The following PDZD2 variants were observed in gnomAD, a reference collection of about 807,000 sequenced individuals.
The protein encoded by PDZD2 is PDZ domain containing 2, also known as PDZ domain-containing protein 2.
A neutral mutation model predicts 220.7 loss-of-function variants in PDZD2; 90 were observed. That is an observed-to-expected ratio of 0.41 (90% confidence interval 0.34 to 0.49). The LOEUF (loss-of-function observed/expected upper bound fraction) is 0.49, where lower values mean the gene tolerates loss of function less well. Ranked by LOEUF, PDZD2 falls within the 20% of genes least tolerant of loss-of-function variation. The pLI, the probability that PDZD2 is intolerant of heterozygous loss-of-function variation, is 0.28. For missense variants in PDZD2, 3,174 were observed against 3,608.5 expected (o/e 0.88, Z 3.08); for synonymous variants, 1,375 against 1,450.5 (o/e 0.95, Z 1.18).
At chr5:31,738,260 T>C (rs533743625) in intron 1 of PDZD2, 16 of 152,264 alleles carry the variant, frequency 1.1e-4, no homozygotes, top group African/African-American at 3.9e-4. Context: ...TGAGTGGAAA[T>C]CTTGATGATC....
At position 31,995,580 on chromosome 5, in the gene PDZD2, A is replaced by G. The variant is rs1751562688; in HGVS notation, c.983A>G (p.Glu328Gly). Residue 328 changes from glutamate (E) to glycine (G), a missense_variant, in exon 4 of 25, where the codon GAA (glutamate) becomes GGA (glycine). By Grantham distance (98) the Glu-to-Gly change is moderately conservative. Transcript: ENST00000438447. The stretch of plus-strand genomic sequence containing the variant: ...GTGCTCACTTTTTCTTCCAAGGAGG[A>G]AGTTGGCCGAATATGGAAGATGGAG... Reference protein sequence around the residue: ...FQSSDCLAREEVGRIWKMELL... With the variant: ...FQSSDCLAREGVGRIWKMELL... 1.2e-6 allele frequency: 2 copies of G among 1,613,808 alleles called. No individual in the cohort carries two copies. The highest frequency in any genetic ancestry group is 2.7e-5 in the African/African-American group (2 of 74,820).
Position 32,058,094 on chromosome 5 carries a change from C to T in PDZD2, c.2191C>T (p.Leu731Phe). 1 of 1,541,456 alleles carries T rather than the reference C, an allele frequency of 6.5e-7. No homozygotes were observed. Among genetic ancestry groups the T allele is most frequent in the Non-Finnish European group, 9.0e-7 (1 of 1,113,602 alleles). The change falls in exon 12 of 25, where the codon CTC becomes TTC. Residue 731 changes from leucine to phenylalanine, a missense_variant. This residue lies in a region of PDZD2 where 1,861 missense variants were observed against 2,001.0 expected (regional missense o/e 0.93). Transcript: ENST00000438447. ...GGACAGGATCGTCATGGAAGTAACACTCAACAAAGGTGATAGCAGCTATTC... is the reference window on the plus strand; with the variant it reads ...GGACAGGATCGTCATGGAAGTAACATTCAACAAAGGTGATAGCAGCTATTC... ...PKDRIVMEVT[L>F]NKEPRVGLGI...
intron 2 of PDZD2, among the ~76,000 whole-genome samples, chr5:31,807,058 T>C (rs1754773916): frequency 6.6e-6 from 1 of 151,802 alleles, no homozygotes; most frequent in South Asian, 2.1e-4. Context: ...CCTCAGCCTC[T>C]TGAGTAGCTG....
rs564409335 is a variant in PDZD2, at chr5:32,006,103, C to T, written c.1255-4227C>T. 3.2e-3 allele frequency among the ~76,000 whole-genome samples: 474 copies of T among 149,866 alleles called. 2 individuals carry two copies. Among genetic ancestry groups the T allele is most frequent in the Admixed American group, 5.3e-3 (79 of 14,962 alleles). Reference sequence around the variant, plus strand: ...CAGAGGTTGCAGTGAGCTGAGATCGCGCCACTGCACTCCAGCCTGGGTGAC... The same window carrying T: ...CAGAGGTTGCAGTGAGCTGAGATCGTGCCACTGCACTCCAGCCTGGGTGAC... On this transcript the variant is annotated intron_variant, in intron 5 of 24. Transcript: ENST00000438447.
At chr5:31,892,049 C>T (rs1445394029) in intron 2 of PDZD2, among the ~76,000 whole-genome samples, 1 of 150,794 alleles carries the variant, frequency 6.6e-6, no homozygotes, top group Admixed American at 6.6e-5. Flanking sequence ...TAGCTGTGAC[C>T]ACAGGTGTGC....
chr5:32,098,469 G>A lies in PDZD2; in HGVS notation c.8053G>A (p.Gly2685Arg), dbSNP rs775741739. The change falls in exon 23 of 25, where the codon GGG becomes AGG. Residue 2685 changes from glycine (G) to arginine (R), a missense_variant. This residue lies in a region of PDZD2 where 631 missense variants were observed against 789.9 expected (regional missense o/e 0.80). Transcript: ENST00000438447. This position sits in a 1 kb window ranked among gnomAD's most constrained non-coding sequence, Gnocchi z 4.1. Reference protein sequence around the residue: ...NGASLAGLAHGNVLKVLHQAQ... With the variant: ...NGASLAGLAHRNVLKVLHQAQ... ...CGCCTCACTGGCTGGCTTAGCCCACGGGAATGTCCTGAAGGTTCTGCACCA... is the reference window on the plus strand; with the variant it reads ...CGCCTCACTGGCTGGCTTAGCCCACAGGAATGTCCTGAAGGTTCTGCACCA... 1.4e-5 allele frequency: 22 copies of A among 1,614,034 alleles called. No individual in the cohort carries two copies. Among genetic ancestry groups the A allele is most frequent in the Admixed American group, 6.7e-5 (4 of 60,010 alleles).
chr5:31,667,255 A>G (rs1030488523), intron 1 of PDZD2, among the ~76,000 whole-genome samples: 36 of 150,982 alleles, frequency 2.4e-4, no homozygotes, highest in African/African-American at 8.7e-4. Context: ...AAAAAAAAAA[A>G]AAGAGTACCT....
chr5:31,836,579 C>G (rs547449441), intron 2 of PDZD2, among the ~76,000 whole-genome samples: 1 of 152,060 alleles, frequency 6.6e-6, no homozygotes, highest in African/African-American at 2.4e-5. Context: ...ATGTCCCCAA[C>G]TTGATCTAAA....
At chr5:32,039,302 T>C (rs189657064) in intron 7 of PDZD2, among the ~76,000 whole-genome samples, 3 of 151,988 alleles carry the variant, frequency 2.0e-5, no homozygotes, top group African/African-American at 7.2e-5. Flanking sequence ...AGACGGGGTT[T>C]CGCCGCGTTG....
At position 32,092,928 on chromosome 5, in the gene PDZD2, A is replaced by T. The variant is rs1255435858; in HGVS notation, c.7749A>T (p.Ser2583=). 6.3e-7 allele frequency: 1 copy of T among 1,587,222 alleles called. No individual in the cohort carries two copies. The highest frequency in any genetic ancestry group is 1.7e-5 in the Admixed American group (1 of 59,816). Residue 2583 remains serine, a synonymous_variant, in exon 21 of 25, where the codon TCA becomes TCT. Coordinates refer to ENST00000438447, the MANE Select transcript of PDZD2 (RefSeq NM_178140.4). ...TTAGTTTGGATCAACTTCTAGTCTCAGCGGGGGACCAGCAAAGATTACAGT... is the reference window on the plus strand; with the variant it reads ...TTAGTTTGGATCAACTTCTAGTCTCTGCGGGGGACCAGCAAAGATTACAGT... ...WSVNLDQLLV[S]AGDQQRLQSV...
At chr5:31,855,080 G>T (rs1334451887) in intron 2 of PDZD2, 1 of 985,394 alleles carries the variant, frequency 1.0e-6, no homozygotes, top group Non-Finnish European at 1.2e-6. Context: ...CCGGCCTGGC[G>T]AGCGGATTAC....
chr5:31,916,645 C>T (rs1743708268), intron 2 of PDZD2, among the ~76,000 whole-genome samples: 1 of 146,806 alleles, frequency 6.8e-6, no homozygotes, highest in Non-Finnish European at 1.5e-5. Flanking sequence ...TGACGTTGCA[C>T]GTGTTCAGCT....
chr5:31,930,935 C>T (rs1026067213), intron 2 of PDZD2, among the ~76,000 whole-genome samples: 1 of 128,618 alleles, frequency 7.8e-6, no homozygotes, highest in Non-Finnish European at 1.6e-5. Context: ...GAGCCAAGGG[C>T]GACTCAGTTG....
At chr5:31,765,566 G>A (rs201118254) in intron 1 of PDZD2, among the ~76,000 whole-genome samples, 1 of 152,136 alleles carries the variant, frequency 6.6e-6, no homozygotes, top group Non-Finnish European at 1.5e-5. Flanking sequence ...TATGGCTCTG[G>A]GGAATAATGG....
chr5:32,021,477 T>C lies in PDZD2; in HGVS notation c.1407+10995T>C, dbSNP rs1754199346. 2.0e-5 allele frequency among the ~76,000 whole-genome samples: 3 copies of C among 151,948 alleles called. No individual in the cohort carries two copies. In the South Asian group the frequency reaches 6.2e-4, roughly 32 times the overall value. On this transcript the variant is annotated intron_variant, in intron 6 of 24. Transcript: ENST00000438447. ...ATGCCTGGGTGATTTTTGTATTTTTTAGTAGAGATGGGGTTTCACCATGTT... is the reference window on the plus strand; with the variant it reads ...ATGCCTGGGTGATTTTTGTATTTTTCAGTAGAGATGGGGTTTCACCATGTT...
At chr5:31,694,914 A>G (rs1480492093) in intron 1 of PDZD2, among the ~76,000 whole-genome samples, 1 of 152,030 alleles carries the variant, frequency 6.6e-6, no homozygotes, top group African/African-American at 2.4e-5. Context: ...AACTGAGATT[A>G]GGACTTCGAG....
intron 1 of PDZD2, among the ~76,000 whole-genome samples, chr5:31,721,651 T>A (rs1021191935): frequency 1.3e-5 from 2 of 150,898 alleles, no homozygotes; most frequent in African/African-American, 4.9e-5. Flanking sequence ...GTAACCAACC[T>A]CAAATGCAAT....
At chr5:31,924,871 AGT>A (rs1169606700) in intron 2 of PDZD2, among the ~76,000 whole-genome samples, 2 of 152,158 alleles carry the variant, frequency 1.3e-5, no homozygotes, top group South Asian at 2.1e-4. Flanking sequence ...TGCCTAGTAG[AGT>A]GTGTGTTGTC....
At chr5:31,889,850 G>A (rs760514198) in intron 2 of PDZD2, among the ~76,000 whole-genome samples, 4 of 152,008 alleles carry the variant, frequency 2.6e-5, no homozygotes, top group South Asian at 2.1e-4. Context: ...TGAAACCCCC[G>A]TCTCTACTAA....
Sources: gnomAD v4.1 joint callset for allele counts (sites outside exome capture counted in the v4.1 genomes callset) on GRCh38, gnomAD v4.1.1 for gene constraint, gnomAD v4.1.1 regional missense constraint, Gnocchi (gnomAD v3.1) non-coding constraint, MANE v1.5 for transcripts, NCBI Gene and HGNC (gene_info 2026-07-23, HGNC 2026-07-21) for gene names.